The following NEDD4L variants were observed in gnomAD, a reference collection of about 807,000 sequenced individuals.
The protein encoded by NEDD4L is E3 ubiquitin-protein ligase NEDD4-like.
A neutral mutation model predicts 148.9 loss-of-function variants in NEDD4L; 54 were observed. That is an observed-to-expected ratio of 0.36 (90% confidence interval 0.29 to 0.45). The LOEUF (loss-of-function observed/expected upper bound fraction) is 0.45, where lower values mean the gene tolerates loss of function less well. NEDD4L is among the 20% of genes least tolerant of loss of function. The probability of loss-of-function intolerance (pLI) is 1.00; values close to 1 mark genes in which losing one functional copy is unlikely to be tolerated. For missense variants in NEDD4L, 856 were observed against 1,233.8 expected (o/e 0.69, Z 4.59); for synonymous variants, 433 against 440.7 (o/e 0.98, Z 0.22).
chr18:58,145,591 A>C (rs971769685), intron 1 of NEDD4L, among the ~76,000 whole-genome samples: 1 of 151,958 alleles, frequency 6.6e-6, no homozygotes, highest in Non-Finnish European at 1.5e-5. Context: ...TTACTACTCT[A>C]GCCAATTTTA....
intron 5 of NEDD4L, among the ~76,000 whole-genome samples, chr18:58,306,786 C>A (rs528647713): frequency 6.6e-6 from 1 of 152,080 alleles, no homozygotes; most frequent in African/African-American, 2.4e-5. Context: ...CCACCACGCC[C>A]GGCTAATTTT....
At chr18:58,105,752 T>C (rs2085033155) in intron 1 of NEDD4L, among the ~76,000 whole-genome samples, 1 of 152,238 alleles carries the variant, frequency 6.6e-6, no homozygotes, top group Admixed American at 6.5e-5. Flanking sequence ...GCCCTCTGAC[T>C]ACATCTTAGT....
chr18:58,229,565 C>T (rs1026200806), intron 2 of NEDD4L, among the ~76,000 whole-genome samples: 8 of 152,180 alleles, frequency 5.3e-5, no homozygotes, highest in African/African-American at 7.2e-5. Flanking sequence ...TCTCATTCCA[C>T]GTCAGCTGCA....
intron 5 of NEDD4L, among the ~76,000 whole-genome samples, chr18:58,279,119 C>T (rs571722050): frequency 1.6e-4 from 24 of 152,134 alleles, no homozygotes; most frequent in Non-Finnish European, 3.1e-4. Context: ...TCAAGTGATC[C>T]GCCCACCTTG....
intron 2 of NEDD4L, among the ~76,000 whole-genome samples, chr18:58,214,469 A>G (rs1353451736): frequency 6.6e-6 from 1 of 152,218 alleles, no homozygotes; most frequent in East Asian, 1.9e-4. Context: ...TAGTGGGATC[A>G]TCTGTAGAGC....
At chr18:58,221,264 A>C (rs1295459970) in intron 2 of NEDD4L, among the ~76,000 whole-genome samples, 1 of 152,162 alleles carries the variant, frequency 6.6e-6, no homozygotes, top group East Asian at 1.9e-4. Flanking sequence ...TCTGGCTTTA[A>C]ATAAGCAAAA....
rs2046199145 is a variant in NEDD4L, at chr18:58,366,997, C to CTA, written c.2064-749_2064-748insTA. ...CCTGGTTGCTCTAGCCAAGAATTGC[C>CTA]CAATTGATTTGTTGTTACTGAGTCC... On this transcript the variant is annotated intron_variant, in intron 21 of 30. Transcript: ENST00000400345. This position sits in a 1 kb window ranked among gnomAD's most constrained non-coding sequence, Gnocchi z 4.2. The CTA allele has an allele frequency of 6.6e-6, 1 of 152,206 alleles. No individual in the cohort carries two copies. Among genetic ancestry groups the CTA allele is most frequent in the Non-Finnish European group, 1.5e-5 (1 of 68,076 alleles). 9.4% of individuals were successfully genotyped at this position (152,206 alleles called of 1,614,324 possible). A position where few individuals can be genotyped will look rare whatever the true frequency, so the allele number is the denominator to read the frequency against.
chr18:58,219,399 A>G (rs2043491280), intron 2 of NEDD4L, among the ~76,000 whole-genome samples: 2 of 152,194 alleles, frequency 1.3e-5, no homozygotes, highest in Admixed American at 1.3e-4. Flanking sequence ...AATTGTCTCA[A>G]TTTTTTAGTA....
intron 4 of NEDD4L, among the ~76,000 whole-genome samples, chr18:58,249,203 T>G (rs1230971432): frequency 6.6e-6 from 1 of 152,216 alleles, no homozygotes; most frequent in Admixed American, 6.5e-5. Flanking sequence ...TTCAAACCTT[T>G]CTTTAAGAAA....
Position 58,396,285 on chromosome 18 carries a change from G to A in NEDD4L, c.*16G>A, listed in dbSNP as rs1250340381. The A allele has an allele frequency of 6.4e-7, 1 of 1,561,998 alleles. No individual in the cohort carries two copies. The highest frequency in any genetic ancestry group is 1.7e-5 in the Admixed American group (1 of 58,824). ...GGTGGATTAAGCACCCTGTGCCTCG[G>A]GGGTGGTTGTTCTTCAAGCAAGTTC... On this transcript the variant is annotated 3_prime_UTR_variant, in exon 31 of 31. Transcript: ENST00000400345.
intron 1 of NEDD4L, among the ~76,000 whole-genome samples, chr18:58,161,587 G>T (rs2146526642): frequency 6.6e-6 from 1 of 152,118 alleles, no homozygotes; most frequent in Admixed American, 6.5e-5. Flanking sequence ...TTTCTATGCA[G>T]CTATATCATT....
intron 2 of NEDD4L, among the ~76,000 whole-genome samples, chr18:58,221,177 T>C (rs1773817295): frequency 6.6e-6 from 1 of 152,162 alleles, no homozygotes; most frequent in African/African-American, 2.4e-5. Flanking sequence ...GGCCAGAACC[T>C]CAGAATGTAG....
At chr18:58,176,435 A>T (rs2038166254) in intron 2 of NEDD4L, among the ~76,000 whole-genome samples, 1 of 152,218 alleles carries the variant, frequency 6.6e-6, no homozygotes, top group African/African-American at 2.4e-5. Flanking sequence ...TCCTGAGCTC[A>T]AGCAGTCCTC....
chr18:58,313,712 AGAGT>A (rs1158622997), intron 5 of NEDD4L, among the ~76,000 whole-genome samples: 1 of 152,254 alleles, frequency 6.6e-6, no homozygotes, highest in Non-Finnish European at 1.5e-5. Flanking sequence ...GAGCCCACAG[AGAGT>A]GAGCACTGTG....
intron 5 of NEDD4L, among the ~76,000 whole-genome samples, chr18:58,308,336 G>A (rs542192685): frequency 1.3e-5 from 2 of 152,326 alleles, no homozygotes; most frequent in East Asian, 1.9e-4. Flanking sequence ...TACCTGGGGG[G>A]TTTCTACATC....
intron 1 of NEDD4L, among the ~76,000 whole-genome samples, chr18:58,102,249 A>G (rs913100352): frequency 1.3e-5 from 2 of 152,096 alleles, no homozygotes; most frequent in African/African-American, 4.8e-5. Flanking sequence ...GGGGGTGGTG[A>G]CTGCTTGGTG....
At chr18:58,255,967 G>A (rs2048478517) in intron 5 of NEDD4L, 6 of 1,230,808 alleles carry the variant, frequency 4.9e-6, no homozygotes, top group East Asian at 3.2e-5. Flanking sequence ...GGTGCGGGCC[G>A]CCCGAGGGCG....
chr18:58,324,403 G>A (rs1244828538), intron 8 of NEDD4L, among the ~76,000 whole-genome samples: 2 of 152,182 alleles, frequency 1.3e-5, no homozygotes, highest in Non-Finnish European at 2.9e-5. Context: ...GTAGAAGGCA[G>A]CAGCTTCCAG....
chr18:58,115,132 C>T (rs545673952), intron 1 of NEDD4L, among the ~76,000 whole-genome samples: 21 of 152,234 alleles, frequency 1.4e-4, no homozygotes, highest in Admixed American at 1.3e-3. Flanking sequence ...CCTTAGGCGT[C>T]TGATATTGTG....
Sources: allele counts gnomAD v4.1 joint callset (sites outside exome capture counted in the v4.1 genomes callset), GRCh38; gene constraint gnomAD v4.1.1; non-coding constraint Gnocchi (gnomAD v3.1); transcripts MANE v1.5; gene names NCBI Gene and HGNC (gene_info 2026-07-23, HGNC 2026-07-21).